Variants in VDAC2 observed in about 807,000 individuals in gnomAD.
The protein encoded by VDAC2 is voltage dependent anion channel 2, also known as non-selective voltage-gated ion channel VDAC2.
A neutral mutation model predicts 36.6 loss-of-function variants in VDAC2; 6 were observed. The observed-to-expected ratio is 0.16, with a 90% CI of 0.09 to 0.32. VDAC2 has a LOEUF of 0.32. Among genes scored for constraint, VDAC2 ranks in the 10% least tolerant of loss-of-function variants. The pLI is 1.00. For synonymous variants in VDAC2, 109 were observed against 123.8 expected, an observed-to-expected ratio of 0.88 and a Z score of 0.79; for missense variants, 247 against 346.0, an observed-to-expected ratio of 0.71 and a Z score of 2.27.
chr10:75,211,497 T>G lies in VDAC2; in HGVS notation c.31+308T>G, dbSNP rs1352773444. ...GCCTTTGGAGGATCGGATCAATCAC[T>G]TTTCTAGAGGAAGTAGCAGTCCCTC... On this transcript the variant is annotated intron_variant, in intron 2 of 9. Coordinates refer to ENST00000332211, the MANE Select transcript of VDAC2 (RefSeq NM_001391963.1). 6 of 1,534,170 alleles carry G rather than the reference T, an allele frequency of 3.9e-6. No individual in the cohort carries two copies. The East Asian group carries it at 1.2e-4, about 31-fold the overall frequency.
Position 75,219,320 on chromosome 10 carries a change from A to T in VDAC2, c.320A>T (p.Lys107Ile), listed in dbSNP as rs1330546314. Reference protein sequence around the residue: ...AIEDQICQGLKLTFDTTFSPN... With the variant: ...AIEDQICQGLILTFDTTFSPN... ...TCAAAATAGATTTGTCAAGGTTTGA[A>T]ACTGACATTTGATACTACCTTCTCA... The change falls in exon 6 of 10, where the codon AAA becomes ATA. Residue 107 changes from lysine (K) to isoleucine (I), a missense_variant. Around this residue, in one of 3 missense-constraint regions of VDAC2, gnomAD observed 159 missense variants for 234.0 expected, o/e 0.68. Transcript: ENST00000332211. 6.2e-7 allele frequency: 1 copy of T among 1,600,792 alleles called. No individual in the cohort carries two copies. The highest frequency in any genetic ancestry group is 8.5e-7 in the Non-Finnish European group (1 of 1,174,470).
chr10:75,228,631 T>TGTG (rs1232890738), intron 8 of VDAC2, among the ~76,000 whole-genome samples: 2 of 152,218 alleles, frequency 1.3e-5, no homozygotes, highest in African/African-American at 4.8e-5. Flanking sequence ...GTGTTTTGGA[T>TGTG]GTGGTTTGTG....
At position 75,219,134 on chromosome 10, in the gene VDAC2, G is replaced by A. The variant is rs768435932; in HGVS notation, c.222G>A (p.Lys74=). The change falls in exon 5 of 10, where the codon AAG becomes AAA. Residue 74 remains lysine, a synonymous_variant. Coordinates refer to ENST00000332211, the MANE Select transcript of VDAC2 (RefSeq NM_001391963.1). ...KVTGTLETKY[K]WCEYGLTFTE... is the part of the protein sequence containing the mutation. ...CTGGGACCTTGGAGACCAAATACAA[G>A]TGGTGTGAGTATGGTCTGACTTTCA... The A allele has an allele frequency of 1.1e-5, 18 of 1,613,314 alleles. No individual in the cohort carries two copies. The Admixed American group carries it at 2.7e-4, about 24-fold the overall frequency.
intron 8 of VDAC2, among the ~76,000 whole-genome samples, chr10:75,223,244 C>G (rs1841868160): frequency 6.6e-6 from 1 of 152,090 alleles, no homozygotes; most frequent in Non-Finnish European, 1.5e-5. Flanking sequence ...TCCCAAAGTG[C>G]TGGGATTACA....
chr10:75,226,327 A>G lies in VDAC2; in HGVS notation c.736-3317A>G, dbSNP rs193041557. Reference sequence around the variant, plus strand: ...GTCAAGTTCCTGGCTCACAGCTTCTATAACCCTTGCAATTTCCCAAGTGAC... The same window carrying G: ...GTCAAGTTCCTGGCTCACAGCTTCTGTAACCCTTGCAATTTCCCAAGTGAC... On this transcript the variant is annotated intron_variant, in intron 8 of 9. Transcript: ENST00000332211. Among the ~76,000 whole-genome samples, 156 of 151,968 alleles carry G rather than the reference A, an allele frequency of 1.0e-3. 3 individuals are homozygous for G. The highest frequency in any genetic ancestry group is 1.1e-3 in the Non-Finnish European group (78 of 68,010).
chr10:75,216,056 A>G (rs1841593956), intron 4 of VDAC2, among the ~76,000 whole-genome samples: 1 of 152,212 alleles, frequency 6.6e-6, no homozygotes, highest in Admixed American at 6.5e-5. Flanking sequence ...TACATTGATC[A>G]TATCTGTCGC....
intron 9 of VDAC2, among the ~76,000 whole-genome samples, chr10:75,230,473 C>T (rs1035805911): frequency 2.6e-5 from 4 of 152,148 alleles, no homozygotes; most frequent in Non-Finnish European, 4.4e-5. Context: ...TCTTTATAAG[C>T]ACAATACCAT....
intron 7 of VDAC2, among the ~76,000 whole-genome samples, 185 bp from the exon 8 acceptor site, chr10:75,222,067 T>G (rs1203936597): frequency 2.6e-5 from 4 of 152,254 alleles, no homozygotes; most frequent in African/African-American, 9.6e-5. Context: ...TGGTTCATTT[T>G]ACCAATCCCT....
At position 75,214,034 on chromosome 10, in the gene VDAC2, G is replaced by A; in HGVS notation, c.114G>A (p.Val38=). ...TATTTGTTGAAGGTTTTGGGTTGGT[G>A]AAACTGGATGTGAAAACAAAGTCTT... is the stretch of plus-strand genomic sequence containing the variant. ...IFNKGFGFGL[V]KLDVKTKSCS... is the part of the protein sequence containing the mutation. The change falls in exon 4 of 10, where the codon GTG becomes GTA. Residue 38 remains valine, a synonymous_variant. Transcript: ENST00000332211. 1 of 1,613,370 alleles carries A rather than the reference G, an allele frequency of 6.2e-7. No homozygotes were observed. Among genetic ancestry groups the A allele is most frequent in the East Asian group, 2.2e-5 (1 of 44,818 alleles).
At chr10:75,217,740 A>AT in intron 4 of VDAC2, 1 of 357,636 alleles carries the variant, frequency 2.8e-6, no homozygotes, top group East Asian at 8.8e-5. Flanking sequence ...CCTGTTAATG[A>AT]AAGGGTCTAA....
chr10:75,211,019 C>A, intron 1 of VDAC2, 81 bp downstream of exon 1: 1 of 978,720 alleles, frequency 1.0e-6, no homozygotes, highest in South Asian at 2.1e-5. Context: ...GACTCGGAGT[C>A]GGCCCTGGCT....
chr10:75,213,050 C>G (rs1255560915), intron 3 of VDAC2, among the ~76,000 whole-genome samples: 1 of 152,026 alleles, frequency 6.6e-6, no homozygotes, highest in Non-Finnish European at 1.5e-5. Context: ...CATAAATGTC[C>G]TAAATGTCTG....
At chr10:75,228,349 C>T (rs979282842) in intron 8 of VDAC2, among the ~76,000 whole-genome samples, 1 of 151,844 alleles carries the variant, frequency 6.6e-6, no homozygotes, top group African/African-American at 2.4e-5. Context: ...CCCTCAGCCA[C>T]CTGGGCTTGA....
intron 8 of VDAC2, among the ~76,000 whole-genome samples, chr10:75,222,875 A>G (rs1360564832): frequency 6.6e-6 from 1 of 151,766 alleles, no homozygotes; most frequent in Non-Finnish European, 1.5e-5. Context: ...TATGTTGCCC[A>G]TCCTAGGCTC....
At chr10:75,212,612 G>T (rs1019637575) in intron 3 of VDAC2, among the ~76,000 whole-genome samples, 32 of 152,076 alleles carry the variant, frequency 2.1e-4, no homozygotes, top group African/African-American at 6.8e-4. Context: ...TAGAGGTGGG[G>T]TCTCACTGTG....
chr10:75,215,432 A>G (rs1217446791), intron 4 of VDAC2, among the ~76,000 whole-genome samples: 19 of 142,710 alleles, frequency 1.3e-4, no homozygotes, highest in Middle Eastern at 4.2e-3. Context: ...GCTCACTGCA[A>G]GCTCCACCTC....
chr10:75,226,417 C>T (rs1158160929), intron 8 of VDAC2, among the ~76,000 whole-genome samples: 1 of 148,568 alleles, frequency 6.7e-6, no homozygotes, highest in African/African-American at 2.5e-5. Context: ...TGAAACAGCT[C>T]CAGAGCATAA....
chr10:75,211,138 C>T lies in VDAC2; in HGVS notation c.-21C>T, dbSNP rs775428685. ...CACTTCTTGTCCCTCCCGCAGATTC[C>T]CCTCTTCCCGCGGCCTCGCCATGGC... On this transcript the variant is annotated 5_prime_UTR_variant, in exon 2 of 10. Coordinates refer to ENST00000332211, the MANE Select transcript of VDAC2 (RefSeq NM_001391963.1). The T allele has an allele frequency of 5.4e-5, 87 of 1,610,688 alleles. 1 individual carries two copies. The highest frequency in any genetic ancestry group is 1.6e-4 in the Middle Eastern group (1 of 6,070).
intron 4 of VDAC2, among the ~76,000 whole-genome samples, chr10:75,215,458 T>A (rs1841573783): frequency 6.7e-6 from 1 of 150,356 alleles, no homozygotes; most frequent in African/African-American, 2.5e-5. Flanking sequence ...TTCATGCCTT[T>A]CTCCTGCCTC....
Sources: allele counts gnomAD v4.1 joint callset (sites outside exome capture counted in the v4.1 genomes callset), GRCh38; gene constraint gnomAD v4.1.1; regional missense constraint gnomAD v4.1.1; transcripts MANE v1.5; gene names NCBI Gene and HGNC (gene_info 2026-07-23, HGNC 2026-07-21).